Variants in PHF20L1 observed in about 807,000 individuals in gnomAD.
PHF20L1 encodes PHD finger protein 20-like protein 1.
A neutral mutation model predicts 125.5 loss-of-function variants in PHF20L1; 44 were observed. The ratio of observed to expected loss-of-function variants is 0.35; its 90% CI spans 0.28 to 0.45. The LOEUF (loss-of-function observed/expected upper bound fraction) is 0.45. Among genes scored for constraint, PHF20L1 ranks in the 20% least tolerant of loss-of-function variants. PHF20L1 has a pLI of 1.00. For missense variants in PHF20L1, 1,012 were observed against 1,217.2 expected, an observed-to-expected ratio of 0.83 and a Z score of 2.51; for synonymous variants, 380 against 403.1, an observed-to-expected ratio of 0.94 and a Z score of 0.69.
At chr8:132,812,254 T>G (rs1159660556) in intron 9 of PHF20L1, 9 of 983,662 alleles carry the variant, frequency 9.1e-6, no homozygotes, top group Non-Finnish European at 1.1e-5. Flanking sequence ...CACCACTGTT[T>G]ATGGTATTCT....
At chr8:132,791,254 C>CTTT (rs1184118420) in intron 2 of PHF20L1, among the ~76,000 whole-genome samples, 2 of 117,084 alleles carry the variant, frequency 1.7e-5, no homozygotes, top group East Asian at 2.2e-4. Context: ...GAGTTATTTC[C>CTTT]TTTTTTTTTT....
chr8:132,789,999 A>C (rs1268069783), intron 2 of PHF20L1, among the ~76,000 whole-genome samples: 1 of 152,180 alleles, frequency 6.6e-6, no homozygotes, highest in Non-Finnish European at 1.5e-5. Flanking sequence ...CTGAAACTTC[A>C]GTCTTCCACT....
At chr8:132,831,061 G>A (rs1396242773) in intron 14 of PHF20L1, among the ~76,000 whole-genome samples, 1 of 151,904 alleles carries the variant, frequency 6.6e-6, no homozygotes, top group African/African-American at 2.4e-5. Flanking sequence ...CTGGACTACT[G>A]CTGTAGCCTC....
At chr8:132,836,298 G>A (rs1837351494) in intron 15 of PHF20L1, 1 of 297,866 alleles carries the variant, frequency 3.4e-6, no homozygotes, top group South Asian at 9.3e-5. Context: ...AAGTCTAAAA[G>A]ACACTTTGAG....
At chr8:132,789,598 C>A (rs1831442032) in intron 2 of PHF20L1, among the ~76,000 whole-genome samples, 1 of 152,008 alleles carries the variant, frequency 6.6e-6, no homozygotes, top group Non-Finnish European at 1.5e-5. Context: ...ATGAAGAATC[C>A]ATTTTAGAGT....
rs747066906 is a variant in PHF20L1 at position 132,836,544 on chromosome 8, A to C, written c.1914A>C (p.Leu638Phe). 5 of 1,598,042 alleles carry C rather than the reference A, an allele frequency of 3.1e-6. No homozygotes were observed. In the South Asian group the frequency reaches 5.5e-5, roughly 18 times the overall value. The change falls in exon 16 of 21, where the codon TTA (leucine) becomes TTC (phenylalanine). Residue 638 changes from leucine to phenylalanine, a missense_variant. Leu to Phe is a conservative substitution (Grantham distance 22). Coordinates refer to ENST00000395386, the MANE Select transcript of PHF20L1 (RefSeq NM_016018.5). ...TACTTTTTGTATATATTCTAGACTT[A>C]TCAGATGTAGACTTCCTAGATGATT... ...ILSVDLSGEN[L>F]SDVDFLDDSS...
At position 132,832,293 on chromosome 8, in the gene PHF20L1, A is replaced by G. The variant is rs774441460; in HGVS notation, c.1803A>G (p.Leu601=). The G allele has an allele frequency of 6.2e-7, 1 of 1,608,412 alleles. No homozygotes were observed. The highest frequency in any genetic ancestry group is 8.5e-7 in the Non-Finnish European group (1 of 1,175,148). The change falls in exon 15 of 21, where the codon CTA becomes CTG. Residue 601 remains leucine, a synonymous_variant. Transcript: ENST00000395386. Reference sequence around the variant, plus strand: ...TTTTGGAAAGGTGCTCTTCTCCACTAACTCGATCTTCTGGGAGTTCTCTGG... The same window carrying G: ...TTTTGGAAAGGTGCTCTTCTCCACTGACTCGATCTTCTGGGAGTTCTCTGG... ...LEFLERCSSP[L]TRSSGSSLAS...
intron 10 of PHF20L1, chr8:132,816,481 T>C (rs1834997681): frequency 6.4e-6 from 1 of 157,186 alleles, no homozygotes. Context: ...CCTTAGAGTT[T>C]CTAGATTTGC....
intron 11 of PHF20L1, 30 bp from the exon 12 acceptor site, chr8:132,817,309 A>G: frequency 6.4e-7 from 1 of 1,563,970 alleles, no homozygotes; most frequent in Non-Finnish European, 8.8e-7. Flanking sequence ...ATCTGTGTTA[A>G]TATTACATTA....
chr8:132,812,075 T>C (rs1834452960), intron 9 of PHF20L1: 1 of 980,720 alleles, frequency 1.0e-6, no homozygotes. Flanking sequence ...AATCAATGGG[T>C]CTTTTAAATT....
intron 1 of PHF20L1, among the ~76,000 whole-genome samples, chr8:132,777,155 C>G (rs1829900095): frequency 6.6e-6 from 1 of 152,150 alleles, no homozygotes; most frequent in Admixed American, 6.5e-5. Flanking sequence ...AAAGCAGTCT[C>G]TTTTGTAATA....
chr8:132,823,557 G>T (rs1266758153), intron 12 of PHF20L1, among the ~76,000 whole-genome samples: 1 of 151,910 alleles, frequency 6.6e-6, no homozygotes, highest in East Asian at 1.9e-4. Context: ...AAATAGTGTA[G>T]TGTCAAATTA....
intron 18 of PHF20L1, among the ~76,000 whole-genome samples, chr8:132,840,569 C>T (rs1837829958): frequency 1.3e-5 from 2 of 152,124 alleles, no homozygotes; most frequent in Admixed American, 1.3e-4. Flanking sequence ...ATGACACATA[C>T]TCTGTCTACC....
intron 18 of PHF20L1, among the ~76,000 whole-genome samples, 178 bp downstream of exon 18, chr8:132,839,760 C>T (rs1400178413): frequency 6.6e-6 from 1 of 152,096 alleles, no homozygotes; most frequent in East Asian, 1.9e-4. Context: ...GTTGGTGCTT[C>T]CTGTCTATTC....
Position 132,837,750 on chromosome 8 carries a change from G to A in PHF20L1, c.2130G>A (p.Met710Ile). 1.9e-6 allele frequency: 3 copies of A among 1,613,098 alleles called. No homozygotes were observed. The highest frequency in any genetic ancestry group is 2.5e-6 in the Non-Finnish European group (3 of 1,179,436). The change falls in exon 17 of 21, where the codon ATG becomes ATA. Residue 710 changes from methionine to isoleucine, a missense_variant. Physicochemically the swap from Met to Ile is conservative, Grantham distance 10 (BLOSUM62 1). Transcript: ENST00000395386. ...ECLCWQHSVC[M>I]GLLEESIPEQ... The stretch of plus-strand genomic sequence containing the variant: ...TGTGTTGGCAACACAGCGTGTGCAT[G>A]GGGCTGCTGGAGGAGAGCATTCCAG...
In PHF20L1 at chr8:132,793,470, A is replaced by G. The variant is rs142858320; in HGVS notation, c.84-940A>G. 5.2e-3 allele frequency among the ~76,000 whole-genome samples: 797 copies of G among 152,322 alleles called. 5 individuals are homozygous for G. The highest frequency in any genetic ancestry group is 8.2e-3 in the Non-Finnish European group (556 of 68,028). The stretch of plus-strand genomic sequence containing the variant: ...TTTAAAGCTAGTTTTTCACGGGGAA[A>G]ACAAAGATTCTGAATTTAGCAAAAG... On this transcript the variant is annotated intron_variant, in intron 2 of 20. Coordinates refer to ENST00000395386, the MANE Select transcript of PHF20L1 (RefSeq NM_016018.5).
chr8:132,779,113 C>G (rs796102189), intron 2 of PHF20L1, among the ~76,000 whole-genome samples: 1 of 152,260 alleles, frequency 6.6e-6, no homozygotes, highest in African/African-American at 2.4e-5. Context: ...TTAATGACCT[C>G]TTGTTTTGAG....
chr8:132,826,463 C>G (rs780106948), intron 14 of PHF20L1: 4 of 151,962 alleles, frequency 2.6e-5, no homozygotes, highest in Non-Finnish European at 5.9e-5. Context: ...TGGGAGCAGC[C>G]CAGCTCTCCA....
Position 132,802,257 on chromosome 8 carries a change from A to G in PHF20L1, c.508-1562A>G, listed in dbSNP as rs76409112. 4.2e-3 allele frequency among the ~76,000 whole-genome samples: 629 copies of G among 150,780 alleles called. 5 individuals are homozygous for G. The highest frequency in any genetic ancestry group is 0.015 in the African/African-American group (597 of 41,128). On this transcript the variant is annotated intron_variant, in intron 6 of 20. Transcript: ENST00000395386. ...GCCCATACTGCTCCTTGAACCTTTCATCGCTCTTTCACTTTTCTGTACACT... is the reference window on the plus strand; with the variant it reads ...GCCCATACTGCTCCTTGAACCTTTCGTCGCTCTTTCACTTTTCTGTACACT...
Sources: allele counts gnomAD v4.1 joint callset (sites outside exome capture counted in the v4.1 genomes callset), GRCh38; gene constraint gnomAD v4.1.1; transcripts MANE v1.5; gene names NCBI Gene and HGNC (gene_info 2026-07-23, HGNC 2026-07-21).